Variants in TRPM1 observed in about 807,000 individuals in gnomAD.
TRPM1 encodes transient receptor potential cation channel subfamily M member 1, also known as TRPM1-203 APA Isoform, Intron 10.
Under a neutral mutation model 149.4 loss-of-function variants are expected in TRPM1, and 113 were observed. That is an observed-to-expected ratio of 0.76 (90% CI 0.65 to 0.88). The LOEUF (loss-of-function observed/expected upper bound fraction) is 0.88. Ranked by LOEUF, TRPM1 falls within the 40% of genes least tolerant of loss-of-function variation. The pLI is 0.00. For missense variants in TRPM1, 1,976 were observed against 2,038.7 expected (o/e 0.97, Z 0.59); for synonymous variants, 741 against 759.5 (o/e 0.98, Z 0.40).
chr15:31,063,465 T>G (rs2034291626), intron 7 of TRPM1, among the ~76,000 whole-genome samples, 173 bp from the exon 8 acceptor site: 1 of 152,168 alleles, frequency 6.6e-6, no homozygotes, highest in African/African-American at 2.4e-5. Context: ...TTCTTTTCTT[T>G]TTTCTTTTTT....
At chr15:31,067,235 C>G in intron 5 of TRPM1, 48 bp from the exon 6 acceptor site, 1 of 1,613,974 alleles carries the variant, frequency 6.2e-7, no homozygotes, top group Non-Finnish European at 8.5e-7. Context: ...CTTCCCAGCA[C>G]ACCATCATTC....
chr15:31,140,892 G>C (rs1312018258), intron 1 of TRPM1, among the ~76,000 whole-genome samples: 2 of 151,886 alleles, frequency 1.3e-5, no homozygotes, highest in Non-Finnish European at 2.9e-5. Flanking sequence ...TGCCATCTCA[G>C]CTCACTGCAA....
At chr15:31,089,549 G>C (rs1053641015) in intron 1 of TRPM1, among the ~76,000 whole-genome samples, 1 of 152,196 alleles carries the variant, frequency 6.6e-6, no homozygotes, top group African/African-American at 2.4e-5. Flanking sequence ...GTGGATGGGG[G>C]GCCGAGACAG....
intron 1 of TRPM1, among the ~76,000 whole-genome samples, chr15:31,088,081 G>C (rs547876960): frequency 5.9e-5 from 9 of 152,314 alleles, no homozygotes; most frequent in African/African-American, 1.9e-4. Flanking sequence ...CTGGGCTTCT[G>C]GGTCGGGTGG....
At chr15:31,152,907 T>G (rs1312194352) in intron 1 of TRPM1, among the ~76,000 whole-genome samples, 2 of 152,136 alleles carry the variant, frequency 1.3e-5, no homozygotes, top group Non-Finnish European at 2.9e-5. Context: ...CCTCCTAAAG[T>G]GTTGGGATTA....
chr15:31,152,215 C>T (rs569907677), intron 1 of TRPM1, among the ~76,000 whole-genome samples: 2 of 152,340 alleles, frequency 1.3e-5, no homozygotes, highest in South Asian at 4.1e-4. Flanking sequence ...TCTGCTCAGG[C>T]ATGGGCATGG....
intron 1 of TRPM1, among the ~76,000 whole-genome samples, chr15:31,090,503 G>C (rs908811551): frequency 9.2e-5 from 14 of 152,042 alleles, no homozygotes; most frequent in African/African-American, 3.1e-4. Context: ...CAGGTGTGGT[G>C]GTGGGCACCT....
chr15:31,037,390 CA>C (rs2033438718), intron 20 of TRPM1, among the ~76,000 whole-genome samples: 1 of 152,178 alleles, frequency 6.6e-6, no homozygotes, highest in Non-Finnish European at 1.5e-5. Context: ...CATCTCTGTT[CA>C]TTTAAAAATA....
At chr15:31,036,421 G>C (rs1368661379) in intron 20 of TRPM1, among the ~76,000 whole-genome samples, 1 of 152,130 alleles carries the variant, frequency 6.6e-6, no homozygotes. Context: ...TTTGTAACTG[G>C]GCAGTTTGGT....
At chr15:31,051,210 C>T (rs1016061932) in intron 11 of TRPM1, among the ~76,000 whole-genome samples, 5 of 152,168 alleles carry the variant, frequency 3.3e-5, no homozygotes, top group African/African-American at 7.2e-5. Flanking sequence ...GGCCTGGCCC[C>T]GTGGCCTTGT....
rs536156688 is a variant in TRPM1, at chr15:31,138,727, A to T, written c.54+22179T>A. 2.6e-5 allele frequency among the ~76,000 whole-genome samples: 4 copies of T among 152,300 alleles called. No individual in the cohort carries two copies. The South Asian group carries it at 8.3e-4, about 32-fold the overall frequency. ...TAAATAAATAAATAAATGAAAATTT[A>T]AAAAAGAAAAGACTATGTATCAACT... On this transcript the variant is annotated intron_variant, in intron 1 of 26. Transcript: ENST00000542188.
chr15:31,077,377 C>T (rs2034727649), intron 2 of TRPM1, among the ~76,000 whole-genome samples: 2 of 152,054 alleles, frequency 1.3e-5, no homozygotes, highest in Admixed American at 1.3e-4. Flanking sequence ...AGGGAAATCC[C>T]CTGTGGAGGC....
rs537563054 is a variant in TRPM1 at position 31,143,642 on chromosome 15, A to G, written c.54+17264T>C. Among the ~76,000 whole-genome samples, 9 of 152,034 alleles carry G rather than the reference A, an allele frequency of 5.9e-5. No homozygotes were observed. In the East Asian group the frequency reaches 1.7e-3, roughly 29 times the overall value. On this transcript the variant is annotated intron_variant, in intron 1 of 26. Coordinates refer to the TRPM1 transcript ENST00000542188. ...TGGCCAGGCTGGTCTTGTACTCCTG[A>G]CCTCAAGTGATCCACCCACCTCGGC...
At chr15:31,117,674 A>G (rs2035820045) in intron 1 of TRPM1, among the ~76,000 whole-genome samples, 1 of 123,152 alleles carries the variant, frequency 8.1e-6, no homozygotes, top group African/African-American at 4.1e-5. Context: ...ATACACACAC[A>G]CACACACACA....
chr15:31,075,174 T>C (rs28878543), intron 3 of TRPM1, among the ~76,000 whole-genome samples: 31,586 of 152,140 alleles, frequency 0.21, 3,690 homozygotes, highest in Admixed American at 0.31. Flanking sequence ...GCTCTATAGT[T>C]ATCTGTTAAG....
intron 1 of TRPM1, among the ~76,000 whole-genome samples, chr15:31,149,818 C>T (rs1263796471): frequency 1.3e-5 from 2 of 152,228 alleles, no homozygotes; most frequent in East Asian, 1.9e-4. Context: ...GGCGCCAGGC[C>T]GTGCATCTTT....
chr15:31,048,994 A>T (rs1274651806), intron 13 of TRPM1, among the ~76,000 whole-genome samples: 1 of 152,148 alleles, frequency 6.6e-6, no homozygotes, highest in Non-Finnish European at 1.5e-5. Context: ...ACTTAGCTCT[A>T]TGTTTTACCC....
At chr15:31,133,873 T>A (rs1330012137) in intron 1 of TRPM1, among the ~76,000 whole-genome samples, 5 of 152,016 alleles carry the variant, frequency 3.3e-5, no homozygotes, top group Non-Finnish European at 7.4e-5. Flanking sequence ...TTTCCTCAAG[T>A]GGGCCTGGGG....
intron 1 of TRPM1, among the ~76,000 whole-genome samples, chr15:31,140,212 CA>C (rs34651089): frequency 5.6e-3 from 579 of 103,116 alleles, no homozygotes; most frequent in East Asian, 0.02. Flanking sequence ...ACTAAAAATA[CA>C]AAAAAAAAAA....
Sources: gnomAD v4.1 joint callset for allele counts (sites outside exome capture counted in the v4.1 genomes callset) on GRCh38, gnomAD v4.1.1 for gene constraint, MANE v1.5 for transcripts, NCBI Gene and HGNC (gene_info 2026-07-23, HGNC 2026-07-21) for gene names.